COPS9: variants seen among roughly 807,000 people sequenced by gnomAD.
COPS9 encodes the protein COP9 signalosome subunit 9.
COPS9 carries 8 observed loss-of-function variants against 7.2 expected under a neutral mutation model. That is an observed-to-expected ratio of 1.11 (90% CI 0.65 to 2.00). The LOEUF (loss-of-function observed/expected upper bound fraction) is 2.00, where lower values mean the gene tolerates loss of function less well. COPS9 is among the 30% of genes most tolerant of loss of function. The probability of loss-of-function intolerance (pLI) is 0.00; values close to 1 mark genes in which losing one functional copy is unlikely to be tolerated. For synonymous variants in COPS9, 39 were observed against 28.7 expected (o/e 1.36, Z -1.14); for missense variants, 74 against 77.7 (o/e 0.95, Z 0.18).
At chr2:240,129,102 C>T (rs1237280325), downstream of COPS9, among the ~76,000 whole-genome samples, 1 of 152,210 alleles carries the variant, frequency 6.6e-6, no homozygotes, top group Admixed American at 6.5e-5. Context: ...GGGATCATTC[C>T]TTCCTGCTGA....
At chr2:240,133,008 C>A (rs980054879) in intron 2 of COPS9, among the ~76,000 whole-genome samples, 4 of 152,236 alleles carry the variant, frequency 2.6e-5, no homozygotes, top group African/African-American at 9.6e-5. Context: ...AAAGCCTGCA[C>A]CCCAACTCAG....
intron 1 of COPS9, chr2:240,135,914 C>T (rs557318615): frequency 2.4e-6 from 1 of 417,244 alleles, no homozygotes; most frequent in Non-Finnish European, 4.2e-6. Flanking sequence ...GAGCAGCAAA[C>T]GCAACTCCTC....
intron 1 of COPS9, 73 bp downstream of exon 1, chr2:240,136,149 C>T: frequency 7.2e-7 from 1 of 1,388,954 alleles, no homozygotes; most frequent in Admixed American, 3.4e-5. Flanking sequence ...GGGACCCGCG[C>T]ACCAGGACGC....
downstream of COPS9, among the ~76,000 whole-genome samples, chr2:240,127,559 T>G (rs1452770782): frequency 6.6e-6 from 1 of 151,900 alleles, no homozygotes; most frequent in Non-Finnish European, 1.5e-5. Context: ...AACCCCCAGG[T>G]GATGGTGTTA....
At chr2:240,129,891 T>C, downstream of COPS9, 4 of 1,607,166 alleles carry the variant, frequency 2.5e-6, no homozygotes, top group South Asian at 1.1e-5. Context: ...CAGACCTTCT[T>C]ACAGAGATGC....
In COPS9 at chr2:240,136,233, C is replaced by T; in HGVS notation, c.52G>A (p.Asp18Asn). 1 of 1,562,896 alleles carries T rather than the reference C, an allele frequency of 6.4e-7. No homozygotes were observed. Among genetic ancestry groups the T allele is most frequent in the Non-Finnish European group, 8.6e-7 (1 of 1,158,382 alleles). The change falls in exon 1 of 3, where the codon GAC (aspartate) becomes AAC (asparagine). Residue 18 changes from aspartate (D) to asparagine (N), a missense_variant. Transcript: ENST00000607357. ...CGGGCCCGTGCCACCTCGTCCAGGT[C>T]CACGTAGGGCCCGGCGCCCTCGGGG... ...MFPEGAGPYVDLDEAGGSTGL... is the reference protein window; with the variant it reads ...MFPEGAGPYVNLDEAGGSTGL...
chr2:240,127,022 G>A, downstream of COPS9: 4 of 1,511,626 alleles, frequency 2.6e-6, no homozygotes, highest in Non-Finnish European at 3.6e-6. Context: ...CCTGGGACAA[G>A]TCATTCTGTC....
chr2:240,126,632 A>T (rs201508038), downstream of COPS9: 6 of 1,614,190 alleles, frequency 3.7e-6, no homozygotes, highest in Non-Finnish European at 5.1e-6. Context: ...ATGGTGTTTC[A>T]TCACTCTTAA....
At chr2:240,129,982 C>T (rs145516582), downstream of COPS9, 303 of 1,613,832 alleles carry the variant, frequency 1.9e-4, 1 homozygote, top group Non-Finnish European at 2.3e-4. Context: ...CGCTGCAGTG[C>T]GGGAACCATG....
downstream of COPS9, chr2:240,127,035 G>A (rs555269223): frequency 1.9e-4 from 275 of 1,441,944 alleles, 1 homozygote; most frequent in African/African-American, 3.6e-3. Context: ...ATTCTGTCCA[G>A]TGAGAAGACA....
chr2:240,130,650 G>A (rs1044269635), downstream of COPS9, among the ~76,000 whole-genome samples: 23 of 152,228 alleles, frequency 1.5e-4, no homozygotes, highest in East Asian at 7.7e-4. Context: ...TGCACGGGCC[G>A]CGCTGCCTCC....
At position 240,136,236 on chromosome 2, in the gene COPS9, C is replaced by G; in HGVS notation, c.49G>C (p.Val17Leu). 1 of 1,563,802 alleles carries G rather than the reference C, an allele frequency of 6.4e-7. No homozygotes were observed. The change falls in exon 1 of 3, where the codon GTG becomes CTG. Residue 17 changes from valine to leucine, a missense_variant. Physicochemically the swap from Val to Leu is conservative, Grantham distance 32. Coordinates refer to ENST00000607357, the MANE Select transcript of COPS9 (RefSeq NM_001163424.2). ...EMFPEGAGPY[V>L]DLDEAGGSTG... ...GCCCGTGCCACCTCGTCCAGGTCCA[C>G]GTAGGGCCCGGCGCCCTCGGGGAAC...
Position 240,132,333 on chromosome 2 carries a change from G to A in COPS9, c.137-1245C>T, listed in dbSNP as rs1364528883. On this transcript the variant is annotated intron_variant, in intron 2 of 2. Transcript: ENST00000607357. The surrounding 1 kb of genome is among the most constrained non-coding windows in gnomAD (Gnocchi z 4.1). ...CTGTTTGACGAGTAAAAAGGACTTAGCAAAAGCCTCATCCACAGCCCACAG... is the reference window on the plus strand; with the variant it reads ...CTGTTTGACGAGTAAAAAGGACTTAACAAAAGCCTCATCCACAGCCCACAG... Among the ~76,000 whole-genome samples, 1 of 152,154 alleles carries A rather than the reference G, an allele frequency of 6.6e-6. No homozygotes were observed. The highest frequency in any genetic ancestry group is 1.5e-5 in the Non-Finnish European group (1 of 68,026).
intron 2 of COPS9, among the ~76,000 whole-genome samples, chr2:240,131,925 G>A (rs1031475399): frequency 6.6e-6 from 1 of 152,202 alleles, no homozygotes; most frequent in African/African-American, 2.4e-5. Flanking sequence ...CAGCCTTCCT[G>A]GGGAGGGTGG....
chr2:240,129,836 G>A (rs996611350), downstream of COPS9: 28 of 1,333,778 alleles, frequency 2.1e-5, no homozygotes, highest in Admixed American at 7.5e-5. Flanking sequence ...GATAAGCCAC[G>A]TGGGTCTCAG....
At chr2:240,134,500 G>A (rs562830436) in intron 1 of COPS9, among the ~76,000 whole-genome samples, 1 of 152,218 alleles carries the variant, frequency 6.6e-6, no homozygotes, top group African/African-American at 2.4e-5. Flanking sequence ...CCACGGCAGT[G>A]GAAAAACCAT....
In COPS9 at chr2:240,132,663, C is replaced by T. The variant is rs1294205238; in HGVS notation, c.136+1270G>A. On this transcript the variant is annotated intron_variant, in intron 2 of 2. Transcript: ENST00000607357. This position sits in a 1 kb window ranked among gnomAD's most constrained non-coding sequence, Gnocchi z 4.1. ...ACAGCAATCGCCTCTAACCAATGGG[C>T]TGGCAGAGGATAAATGGGACTTTGA... 6.6e-6 allele frequency among the ~76,000 whole-genome samples: 1 copy of T among 152,216 alleles called. No individual in the cohort carries two copies. The highest frequency in any genetic ancestry group is 6.5e-5 in the Admixed American group (1 of 15,282).
downstream of COPS9, among the ~76,000 whole-genome samples, chr2:240,127,264 C>T (rs1346231263): frequency 6.7e-6 from 1 of 148,598 alleles, no homozygotes; most frequent in African/African-American, 2.5e-5. Flanking sequence ...CCCCACAAGG[C>T]ATCATTATGA....
downstream of COPS9, among the ~76,000 whole-genome samples, chr2:240,127,651 TGA>T (rs1355459000): frequency 1.3e-5 from 2 of 152,176 alleles, no homozygotes; most frequent in African/African-American, 2.4e-5. Flanking sequence ...AGGAGAGATC[TGA>T]GAGAGACCCC....
Sources: gnomAD v4.1 joint callset for allele counts (sites outside exome capture counted in the v4.1 genomes callset) on GRCh38, gnomAD v4.1.1 for gene constraint, Gnocchi (gnomAD v3.1) non-coding constraint, MANE v1.5 for transcripts, NCBI Gene and HGNC (gene_info 2026-07-23, HGNC 2026-07-21) for gene names.